PDE4D: variants seen among roughly 807,000 people sequenced by gnomAD.
The protein encoded by PDE4D is 3',5'-cyclic-AMP phosphodiesterase 4D.
Under a neutral mutation model 87.4 loss-of-function variants are expected in PDE4D, and 24 were observed. That is an observed-to-expected ratio of 0.27 (90% CI 0.20 to 0.39). The LOEUF is 0.39. Among genes scored for constraint, PDE4D ranks in the 10% least tolerant of loss-of-function variants. The pLI, the probability that PDE4D is intolerant of heterozygous loss-of-function variation, is 1.00. For missense variants in PDE4D, 714 were observed against 1,041.0 expected (o/e 0.69, Z 4.32); for synonymous variants, 384 against 383.2 (o/e 1.00, Z -0.02).
intron 1 of PDE4D, among the ~76,000 whole-genome samples, chr5:59,853,769 C>T (rs904154685): frequency 2.0e-5 from 3 of 152,076 alleles, no homozygotes; most frequent in Admixed American, 6.6e-5. Flanking sequence ...TAAAAATATA[C>T]ATGTTACACA....
intron 5 of PDE4D, among the ~76,000 whole-genome samples, chr5:59,140,895 G>A (rs1264433480): frequency 6.6e-6 from 1 of 152,126 alleles, no homozygotes; most frequent in Non-Finnish European, 1.5e-5. Context: ...GCAAAGGACT[G>A]GCTAGAGTCA....
intron 1 of PDE4D, among the ~76,000 whole-genome samples, chr5:59,257,501 A>G (rs980006604): frequency 1.3e-5 from 2 of 152,062 alleles, no homozygotes; most frequent in Admixed American, 6.6e-5. Context: ...CTGAAGGCCA[A>G]TATTACATTC....
At chr5:59,874,589 A>G (rs1360910916) in intron 1 of PDE4D, among the ~76,000 whole-genome samples, 1 of 152,198 alleles carries the variant, frequency 6.6e-6, no homozygotes, top group South Asian at 2.1e-4. Flanking sequence ...AAAAAAAAAT[A>G]AAGTATTGGG....
intron 1 of PDE4D, among the ~76,000 whole-genome samples, chr5:59,450,017 C>T (rs1035264432): frequency 6.6e-6 from 1 of 152,136 alleles, no homozygotes; most frequent in Non-Finnish European, 1.5e-5. Flanking sequence ...ATGTGTTTGC[C>T]ATTTAGCAGT....
At chr5:58,977,946 C>T (rs1744194318) in intron 11 of PDE4D, among the ~76,000 whole-genome samples, 1 of 152,088 alleles carries the variant, frequency 6.6e-6, no homozygotes, top group African/African-American at 2.4e-5. Flanking sequence ...CTCTTCCTGC[C>T]TGCTTGCTCA....
At chr5:59,216,055 G>C (rs1751187002) in intron 1 of PDE4D, 87 bp from the exon 2 acceptor site, 1 of 886,226 alleles carries the variant, frequency 1.1e-6, no homozygotes. Context: ...CTGAGGAACT[G>C]ACAGTGGAAT....
intron 1 of PDE4D, among the ~76,000 whole-genome samples, chr5:59,273,923 A>C (rs751803268): frequency 3.9e-5 from 6 of 152,156 alleles, no homozygotes; most frequent in Non-Finnish European, 8.8e-5. Context: ...ATTTGAAAAT[A>C]CATCTCCTGG....
intron 1 of PDE4D, among the ~76,000 whole-genome samples, chr5:60,207,962 A>C (rs1742747015): frequency 6.6e-6 from 1 of 152,254 alleles, no homozygotes; most frequent in South Asian, 2.1e-4. Context: ...TATAAACCAG[A>C]TTAAGAAATA....
intron 2 of PDE4D, among the ~76,000 whole-genome samples, chr5:60,056,045 T>C (rs1304890615): frequency 1.3e-5 from 2 of 152,064 alleles, no homozygotes; most frequent in African/African-American, 4.8e-5. Context: ...AGTGAAATTG[T>C]AGGAAAATGA....
chr5:60,404,411 G>C (rs974428381), intron 1 of PDE4D, among the ~76,000 whole-genome samples: 1 of 152,152 alleles, frequency 6.6e-6, no homozygotes, highest in African/African-American at 2.4e-5. Flanking sequence ...CTCTGCTCAA[G>C]TGACTACAAA....
intron 1 of PDE4D, among the ~76,000 whole-genome samples, chr5:59,353,698 C>A (rs1042335235): frequency 6.6e-6 from 1 of 152,034 alleles, no homozygotes; most frequent in Non-Finnish European, 1.5e-5. Flanking sequence ...CTTCCTCACT[C>A]CTCCTTCCAC....
intron 1 of PDE4D, among the ~76,000 whole-genome samples, chr5:59,874,426 C>T (rs1218631907): frequency 6.6e-6 from 1 of 152,060 alleles, no homozygotes; most frequent in Non-Finnish European, 1.5e-5. Context: ...AGAACTTCAA[C>T]TTCTATAAAA....
At position 60,460,772 on chromosome 5, in the gene PDE4D, G is replaced by C. The variant is rs1746868354; in HGVS notation, c.-90+27170C>G. The C allele has an allele frequency of 5.0e-6, 3 of 602,304 alleles. No individual in the cohort carries two copies. In the African/African-American group the frequency reaches 5.6e-5, roughly 11 times the overall value. The allele number at this position is 602,304 out of a possible 1,614,324, so 37.3% of individuals were successfully genotyped here. A position where few individuals can be genotyped will look rare whatever the true frequency, so the allele number is the denominator to read the frequency against. ...GGGAAGTCCAAGAACCAGACCACAA[G>C]TCTCCTTGCTCATCCGGAAGCAGGC... On this transcript the variant is annotated intron_variant, in intron 1 of 16. Transcript: ENST00000502484.
intron 1 of PDE4D, among the ~76,000 whole-genome samples, chr5:59,504,252 T>C (rs566187919): frequency 6.6e-6 from 1 of 152,342 alleles, no homozygotes; most frequent in African/African-American, 2.4e-5. Flanking sequence ...CATACTATAG[T>C]ATTTCATAAT....
chr5:59,521,473 G>A (rs975160331), intron 1 of PDE4D, among the ~76,000 whole-genome samples: 1 of 152,112 alleles, frequency 6.6e-6, no homozygotes, highest in Non-Finnish European at 1.5e-5. Context: ...CCTAATCCAG[G>A]TCATCCTCAT....
intron 1 of PDE4D, among the ~76,000 whole-genome samples, chr5:60,218,201 T>C (rs1361349898): frequency 1.3e-5 from 2 of 152,084 alleles, no homozygotes; most frequent in Non-Finnish European, 2.9e-5. Context: ...TTATTTATTA[T>C]ACCATAGGCA....
At chr5:59,501,515 T>G (rs1808280005) in intron 1 of PDE4D, among the ~76,000 whole-genome samples, 2 of 152,032 alleles carry the variant, frequency 1.3e-5, no homozygotes, top group South Asian at 4.1e-4. Context: ...AGGAATGTAT[T>G]AAATACATCT....
chr5:59,820,589 G>A (rs1452417183), intron 1 of PDE4D, among the ~76,000 whole-genome samples: 7 of 152,288 alleles, frequency 4.6e-5, no homozygotes, highest in South Asian at 2.1e-4. Flanking sequence ...AAGAGCAGTC[G>A]TGGGACTAGC....
At chr5:59,481,910 G>C (rs1804330455) in intron 1 of PDE4D, among the ~76,000 whole-genome samples, 1 of 151,566 alleles carries the variant, frequency 6.6e-6, no homozygotes, top group African/African-American at 2.4e-5. Context: ...TAGAGAAAGA[G>C]CCAAAAAAAA....
Sources: allele counts gnomAD v4.1 joint callset (sites outside exome capture counted in the v4.1 genomes callset), GRCh38; gene constraint gnomAD v4.1.1; transcripts MANE v1.5; gene names NCBI Gene and HGNC (gene_info 2026-07-23, HGNC 2026-07-21).